Variants in WDR25 observed in about 807,000 individuals in gnomAD.
The protein encoded by WDR25 is WD repeat-containing protein 25.
WDR25 carries 35 observed loss-of-function variants against 47.7 expected under a neutral mutation model. The ratio of observed to expected loss-of-function variants is 0.73; its 90% CI spans 0.56 to 0.97. The LOEUF (loss-of-function observed/expected upper bound fraction) is 0.97. WDR25 is among the 50% of genes least tolerant of loss of function. The pLI, the probability that WDR25 is intolerant of heterozygous loss-of-function variation, is 0.00. For missense variants in WDR25, 634 were observed against 704.7 expected (o/e 0.90, Z 1.14); for synonymous variants, 248 against 278.9 (o/e 0.89, Z 1.10).
intron 2 of WDR25, among the ~76,000 whole-genome samples, chr14:100,420,023 C>G (rs999323973): frequency 2.0e-5 from 3 of 152,244 alleles, no homozygotes; most frequent in African/African-American, 7.2e-5. Flanking sequence ...TGGGAGTGAA[C>G]GGGTGCTCGC....
At chr14:100,437,365 C>T (rs1028694025) in intron 2 of WDR25, among the ~76,000 whole-genome samples, 2 of 152,280 alleles carry the variant, frequency 1.3e-5, no homozygotes, top group African/African-American at 4.8e-5. Flanking sequence ...AGTCTGAGCC[C>T]GCTGAGTGTT....
At chr14:100,462,644 C>T (rs937349163) in intron 2 of WDR25, among the ~76,000 whole-genome samples, 7 of 152,184 alleles carry the variant, frequency 4.6e-5, no homozygotes, top group Non-Finnish European at 8.8e-5. Context: ...TACATGTTTC[C>T]GTGGCTGATT....
intron 2 of WDR25, among the ~76,000 whole-genome samples, chr14:100,386,117 T>A (rs1353492548): frequency 6.6e-6 from 1 of 152,238 alleles, no homozygotes; most frequent in Non-Finnish European, 1.5e-5. Flanking sequence ...CTCTAGAAAT[T>A]CTTTCAGTAA....
chr14:100,403,638 A>G (rs953589540), intron 2 of WDR25, among the ~76,000 whole-genome samples: 1 of 152,226 alleles, frequency 6.6e-6, no homozygotes, highest in African/African-American at 2.4e-5. Flanking sequence ...GAAGATGGAA[A>G]ATGAATATGT....
At chr14:100,471,872 T>A (rs985524208) in intron 3 of WDR25, among the ~76,000 whole-genome samples, 27 of 152,234 alleles carry the variant, frequency 1.8e-4, no homozygotes, top group African/African-American at 6.0e-4. Context: ...CTCACAATTA[T>A]TTTTGGTGCT....
Position 100,392,927 on chromosome 14 carries a change from A to G in WDR25, c.822+11181A>G, listed in dbSNP as rs111734692. Among the ~76,000 whole-genome samples the G allele has an allele frequency of 0.013, 2,055 of 152,318 alleles. 24 individuals are homozygous for G. The highest frequency in any genetic ancestry group is 0.029 in the South Asian group (139 of 4,828). On this transcript the variant is annotated intron_variant, in intron 2 of 6. Coordinates refer to ENST00000402312, the MANE Select transcript of WDR25 (RefSeq NM_001161476.3). The surrounding 1 kb of genome is among the most constrained non-coding windows in gnomAD (Gnocchi z 4.2). ...GGGTTGTACATTTTCATGGGTCCAG[A>G]TACGTCTCTTGTCAGATTGCTTTCC...
chr14:100,416,867 G>C (rs1046525011), intron 2 of WDR25, among the ~76,000 whole-genome samples: 1 of 152,246 alleles, frequency 6.6e-6, no homozygotes, highest in African/African-American at 2.4e-5. Flanking sequence ...ATGGGACCCA[G>C]TAACTTCACA....
Position 100,396,566 on chromosome 14 carries a change from C to T in WDR25, c.822+14820C>T, listed in dbSNP as rs554283524. Among the ~76,000 whole-genome samples the T allele has an allele frequency of 4.6e-5, 7 of 152,326 alleles. No individual in the cohort carries two copies. In the South Asian group the frequency reaches 8.3e-4, roughly 18 times the overall value. ...CCAAGGCAGGTGGCACAAGTTTGCC[C>T]AGTTCTTGCTGTCCAAGAGAAGCCA... is the stretch of plus-strand genomic sequence containing the variant. On this transcript the variant is annotated intron_variant, in intron 2 of 6. Coordinates refer to ENST00000402312, the MANE Select transcript of WDR25 (RefSeq NM_001161476.3).
chr14:100,382,924 G>C (rs762744380), intron 2 of WDR25, among the ~76,000 whole-genome samples: 1 of 152,228 alleles, frequency 6.6e-6, no homozygotes, highest in Non-Finnish European at 1.5e-5. Context: ...GCCTTGCACA[G>C]AGCCAGGTAC....
At chr14:100,507,708 G>T (rs1901162556) in intron 4 of WDR25, among the ~76,000 whole-genome samples, 1 of 147,136 alleles carries the variant, frequency 6.8e-6, no homozygotes, top group Non-Finnish European at 1.5e-5. Flanking sequence ...TTGTATTCTT[G>T]ATTTGTTCTC....
intron 2 of WDR25, among the ~76,000 whole-genome samples, chr14:100,412,768 C>T (rs1158736238): frequency 2.0e-5 from 3 of 152,090 alleles, no homozygotes; most frequent in South Asian, 2.1e-4. Flanking sequence ...TCACGAAAGG[C>T]CCTGGTAGGA....
At chr14:100,509,082 G>A (rs73351030) in intron 4 of WDR25, among the ~76,000 whole-genome samples, 10,511 of 152,046 alleles carry the variant, frequency 0.069, 1,187 homozygotes, top group African/African-American at 0.24. Flanking sequence ...GATTAATATT[G>A]ACCTCAGAAA....
At chr14:100,395,189 C>CATCT in intron 2 of WDR25, among the ~76,000 whole-genome samples, 1 of 152,300 alleles carries the variant, frequency 6.6e-6, no homozygotes, top group East Asian at 1.9e-4. Context: ...ATCTCATTTG[C>CATCT]CCTCAGCTGG....
chr14:100,398,195 C>T (rs943613828), intron 2 of WDR25, among the ~76,000 whole-genome samples: 1 of 152,160 alleles, frequency 6.6e-6, no homozygotes, highest in Non-Finnish European at 1.5e-5. Flanking sequence ...ACATGCTCTT[C>T]GAAGTGCATT....
chr14:100,432,987 ACACATATCT>A (rs1259150955), intron 2 of WDR25, among the ~76,000 whole-genome samples: 3 of 152,250 alleles, frequency 2.0e-5, no homozygotes, highest in Non-Finnish European at 2.9e-5. Context: ...TTGTGTATCT[ACACATATCT>A]GAACTTAGAA....
chr14:100,423,114 G>C (rs539980466), intron 2 of WDR25, among the ~76,000 whole-genome samples: 1 of 152,170 alleles, frequency 6.6e-6, no homozygotes, highest in African/African-American at 2.4e-5. Context: ...ATGCCCTGAA[G>C]CTTGCTTTCT....
chr14:100,408,140 T>C (rs1897598191), intron 2 of WDR25, among the ~76,000 whole-genome samples: 1 of 152,044 alleles, frequency 6.6e-6, no homozygotes, highest in African/African-American at 2.4e-5. Flanking sequence ...CGGGGAGCCA[T>C]GGAACGTGCG....
At chr14:100,463,155 T>C (rs572587847) in intron 2 of WDR25, among the ~76,000 whole-genome samples, 2 of 146,036 alleles carry the variant, frequency 1.4e-5, no homozygotes, top group Non-Finnish European at 3.0e-5. Context: ...CTCTCCCCAA[T>C]TCCTCCATCA....
chr14:100,511,226 A>G (rs755352450), intron 4 of WDR25, among the ~76,000 whole-genome samples: 1 of 152,138 alleles, frequency 6.6e-6, no homozygotes, highest in Non-Finnish European at 1.5e-5. Flanking sequence ...TGTAGTTTTC[A>G]TAGTGTAGGT....
Sources: gnomAD v4.1 joint callset for allele counts (sites outside exome capture counted in the v4.1 genomes callset) on GRCh38, gnomAD v4.1.1 for gene constraint, Gnocchi (gnomAD v3.1) non-coding constraint, MANE v1.5 for transcripts, NCBI Gene and HGNC (gene_info 2026-07-23, HGNC 2026-07-21) for gene names.